The following GPSM2 variants were observed in gnomAD, a reference collection of about 807,000 sequenced individuals.
The protein encoded by GPSM2 is G protein-signaling modulator 2.
In GPSM2, 58 loss-of-function variants were observed where a neutral mutation model predicts 78.4. The observed-to-expected ratio is 0.74, with a 90% CI of 0.60 to 0.92. The LOEUF (loss-of-function observed/expected upper bound fraction) is 0.92, where lower values mean the gene tolerates loss of function less well. Among genes scored for constraint, GPSM2 ranks in the 40% least tolerant of loss-of-function variants. The pLI is 0.00. For synonymous variants in GPSM2, 224 were observed against 280.2 expected (o/e 0.80, Z 2.00); for missense variants, 700 against 815.5 (o/e 0.86, Z 1.73).
At position 108,933,202 on chromosome 1, in the gene GPSM2, G is replaced by A; in HGVS notation, c.*3262G>A. Reference sequence around the variant, plus strand: ...AGTAACACTTCCTGGATCCAAAAATGTGTATTCTGCATTTCAACAACTGAA... The same window carrying A: ...AGTAACACTTCCTGGATCCAAAAATATGTATTCTGCATTTCAACAACTGAA... On this transcript the variant is annotated 3_prime_UTR_variant, in exon 15 of 15. Transcript: ENST00000264126. 1 of 18,610 alleles carries A rather than the reference G, an allele frequency of 5.4e-5. No individual in the cohort carries two copies. Among genetic ancestry groups the A allele is most frequent in the African/African-American group, 2.2e-4 (1 of 4,538 alleles). 1.2% of individuals were successfully genotyped at this position (18,610 alleles called of 1,614,324 possible).
At chr1:108,897,465 T>C (rs1264134033) in intron 3 of GPSM2, 27 bp from the exon 4 acceptor site, 1 of 1,577,278 alleles carries the variant, frequency 6.3e-7, no homozygotes, top group Non-Finnish European at 8.6e-7. Context: ...ATTTGGTTTT[T>C]TGTTTTTTGT....
At chr1:108,899,093 C>A in intron 7 of GPSM2, 99 bp downstream of exon 7, 1 of 743,178 alleles carries the variant, frequency 1.3e-6, no homozygotes, top group Non-Finnish European at 2.4e-6. Context: ...GAACTTTTGG[C>A]ATCTAAGCCT....
intron 7 of GPSM2, among the ~76,000 whole-genome samples, chr1:108,900,707 A>G (rs1648744052): frequency 6.6e-6 from 1 of 152,248 alleles, no homozygotes. Flanking sequence ...GTATGCCAGA[A>G]AGCATTATGC....
At chr1:108,907,088 C>G (rs768259354) in intron 10 of GPSM2, among the ~76,000 whole-genome samples, 2 of 152,206 alleles carry the variant, frequency 1.3e-5, no homozygotes, top group East Asian at 3.8e-4. Context: ...ATCTCTTCAG[C>G]CTCTTTTCCT....
intron 1 of GPSM2, among the ~76,000 whole-genome samples, chr1:108,880,695 G>A (rs1570865214): frequency 6.6e-6 from 1 of 152,220 alleles, no homozygotes; most frequent in Non-Finnish European, 1.5e-5. Flanking sequence ...GACCATCGTT[G>A]GTAATAATAA....
rs1208937058 is a variant in GPSM2, at chr1:108,932,559, G to GT, written c.*2623dup. 6.6e-6 allele frequency: 1 copy of GT among 152,150 alleles called. No individual in the cohort carries two copies. Among genetic ancestry groups the GT allele is most frequent in the African/African-American group, 2.4e-5 (1 of 41,434 alleles). The allele number at this position is 152,150 out of a possible 1,614,324, so 9.4% of individuals were successfully genotyped here. The stretch of plus-strand genomic sequence containing the variant: ...TTTAAAAATTTTTTAAAAGAATTTG[G>GT]TTTTGGATTAAAAGGCATGCAAGCA... On this transcript the variant is annotated 3_prime_UTR_variant, in exon 15 of 15. Coordinates refer to ENST00000264126, the MANE Select transcript of GPSM2 (RefSeq NM_013296.5).
At chr1:108,914,715 G>A (rs898069957) in intron 11 of GPSM2, among the ~76,000 whole-genome samples, 1 of 152,168 alleles carries the variant, frequency 6.6e-6, no homozygotes, top group African/African-American at 2.4e-5. Flanking sequence ...GGTTAGGCTA[G>A]AAATACTTTA....
chr1:108,918,645 G>A lies in GPSM2; in HGVS notation c.1296G>A (p.Lys432=). The A allele has an allele frequency of 6.2e-7, 1 of 1,613,670 alleles. No individual in the cohort carries two copies. Among genetic ancestry groups the A allele is most frequent in the Non-Finnish European group, 8.5e-7 (1 of 1,179,690 alleles). The change falls in exon 12 of 15, where the codon AAG becomes AAA. Residue 432 remains lysine (K), a synonymous_variant. Transcript: ENST00000264126. ...VQNWNSEILA[K]QKPLIAKPSA... ...ACTGGAACAGTGAAATTCTTGCTAA[G>A]CAAAAACCTCTTATTGCCAAACCTT...
At chr1:108,928,612 A>G (rs1275819054) in intron 14 of GPSM2, among the ~76,000 whole-genome samples, 1 of 152,234 alleles carries the variant, frequency 6.6e-6, no homozygotes, top group Non-Finnish European at 1.5e-5. Context: ...TTGAGCTACA[A>G]TGCCAGAAAC....
At position 108,930,195 on chromosome 1, in the gene GPSM2, ATTACT is replaced by A. The variant is rs554480374; in HGVS notation, c.*260_*264del. The A allele has an allele frequency of 6.9e-4, 294 of 423,092 alleles. No individual in the cohort carries two copies. Among genetic ancestry groups the A allele is most frequent in the Non-Finnish European group, 9.6e-4 (229 of 237,632 alleles). The allele number at this position is 423,092 out of a possible 1,614,324, so 26.2% of individuals were successfully genotyped here. Reference sequence around the variant, plus strand: ...GATGTGTTCTTTGGCAGCTTGTGAGATTACTTTACCTAGTGTTTATAAAGTAGGAA... The same window carrying A: ...GATGTGTTCTTTGGCAGCTTGTGAGATTACCTAGTGTTTATAAAGTAGGAA... On this transcript the variant is annotated 3_prime_UTR_variant, in exon 15 of 15. Coordinates refer to ENST00000264126, the MANE Select transcript of GPSM2 (RefSeq NM_013296.5).
intron 5 of GPSM2, 124 bp from the exon 6 acceptor site, chr1:108,898,518 T>C: frequency 1.3e-6 from 1 of 792,770 alleles, no homozygotes; most frequent in Non-Finnish European, 2.1e-6. Context: ...ATCCTTAAAA[T>C]GTTGCACATT....
chr1:108,908,386 CAAAAA>C (rs558751204), intron 10 of GPSM2, among the ~76,000 whole-genome samples: 2 of 134,152 alleles, frequency 1.5e-5, no homozygotes, highest in Non-Finnish European at 3.2e-5. Flanking sequence ...CAAAAACAAA[CAAAAA>C]AAACACAGGA....
chr1:108,897,020 T>C lies in GPSM2; in HGVS notation c.213T>C (p.Ala71=), dbSNP rs1648419612. ...CTATTTACAGCCAGTTGGGCAATGC[T>C]TATTTCTATTTGCATGATTATGCCA... ...LSAIYSQLGN[A]YFYLHDYAKA... is the part of the protein sequence containing the mutation. Residue 71 remains alanine, a synonymous_variant, in exon 3 of 15, where the codon GCT becomes GCC. Transcript: ENST00000264126. 1 of 1,613,778 alleles carries C rather than the reference T, an allele frequency of 6.2e-7. No individual in the cohort carries two copies. The highest frequency in any genetic ancestry group is 2.2e-5 in the East Asian group (1 of 44,888).
Position 108,924,139 on chromosome 1 carries a change from G to A in GPSM2, c.1740G>A (p.Ser580=), listed in dbSNP as rs774733868. ...PGLRLTQNSQ[S]VLSHLMTNDN... Reference sequence around the variant, plus strand: ...TTCGTCTAACACAAAACAGCCAGTCGGTACTTAGCCACCTGATGACTAATG... The same window carrying A: ...TTCGTCTAACACAAAACAGCCAGTCAGTACTTAGCCACCTGATGACTAATG... The change falls in exon 14 of 15, where the codon TCG becomes TCA. Residue 580 remains serine (S), a synonymous_variant. Coordinates refer to ENST00000264126, the MANE Select transcript of GPSM2 (RefSeq NM_013296.5). 2.3e-5 allele frequency: 37 copies of A among 1,613,604 alleles called. No individual in the cohort carries two copies. The highest frequency in any genetic ancestry group is 2.6e-5 in the Non-Finnish European group (31 of 1,179,760).
At chr1:108,908,837 C>T (rs941836611) in intron 10 of GPSM2, among the ~76,000 whole-genome samples, 2 of 151,628 alleles carry the variant, frequency 1.3e-5, no homozygotes, top group African/African-American at 4.9e-5. Context: ...ACCGCCATCT[C>T]TCCAAAAAAT....
At chr1:108,899,794 T>A (rs1648650197) in intron 7 of GPSM2, among the ~76,000 whole-genome samples, 1 of 152,200 alleles carries the variant, frequency 6.6e-6, no homozygotes, top group Non-Finnish European at 1.5e-5. Context: ...TATGAGACAG[T>A]TCTGGATAAT....
chr1:108,897,851 A>G, intron 4 of GPSM2, 108 bp from the exon 5 acceptor site: 1 of 1,101,260 alleles, frequency 9.1e-7, no homozygotes, highest in Non-Finnish European at 1.4e-6. Context: ...TGGAGAGCCA[A>G]TATAAAAATT....
At chr1:108,928,314 T>C (rs1429831756) in intron 14 of GPSM2, among the ~76,000 whole-genome samples, 1 of 152,028 alleles carries the variant, frequency 6.6e-6, no homozygotes, top group African/African-American at 2.4e-5. Context: ...AAGGCCGAAG[T>C]GAAGGATGAG....
At chr1:108,885,947 T>A (rs1360349512) in intron 2 of GPSM2, among the ~76,000 whole-genome samples, 1 of 152,190 alleles carries the variant, frequency 6.6e-6, no homozygotes, top group Non-Finnish European at 1.5e-5. Flanking sequence ...TAATTTAATG[T>A]GATCTTTTAG....
Sources: gnomAD v4.1 joint callset for allele counts (sites outside exome capture counted in the v4.1 genomes callset) on GRCh38, gnomAD v4.1.1 for gene constraint, MANE v1.5 for transcripts, NCBI Gene and HGNC (gene_info 2026-07-23, HGNC 2026-07-21) for gene names.